Variants in ARHGEF10L observed in about 807,000 individuals in gnomAD.
ARHGEF10L encodes Rho guanine nucleotide exchange factor 10 like.
In ARHGEF10L, 69 loss-of-function variants were observed where a neutral mutation model predicts 141.2. That is an observed-to-expected ratio of 0.49 (90% CI 0.40 to 0.60). The LOEUF is 0.60. Among genes scored for constraint, ARHGEF10L ranks in the 20% least tolerant of loss-of-function variants. The probability of loss-of-function intolerance (pLI) is 0.00; values close to 1 mark genes in which losing one functional copy is unlikely to be tolerated. For synonymous variants in ARHGEF10L, 711 were observed against 718.5 expected (o/e 0.99, Z 0.17); for missense variants, 1,482 against 1,734.3 (o/e 0.85, Z 2.58).
the ARHGEF10L span, among the ~76,000 whole-genome samples, chr1:17,531,933 G>C: frequency 6.6e-6 from 1 of 152,192 alleles, no homozygotes; most frequent in Non-Finnish European, 1.5e-5. Flanking sequence ...TCTGGGGCTG[G>C]TGCCAGGCTG....
intron 27 of ARHGEF10L, among the ~76,000 whole-genome samples, chr1:17,690,871 C>T (rs1471623830): frequency 2.0e-5 from 3 of 152,218 alleles, no homozygotes; most frequent in Non-Finnish European, 2.9e-5. Flanking sequence ...AAGCGCAACA[C>T]AGCAGGATTC....
chr1:17,631,397 T>C, intron 15 of ARHGEF10L, among the ~76,000 whole-genome samples: 1 of 152,194 alleles, frequency 6.6e-6, no homozygotes, highest in East Asian at 1.9e-4. Flanking sequence ...CTTGGATGCC[T>C]GGGGTGTGAA....
chr1:17,643,701 C>A (rs2101873511), intron 21 of ARHGEF10L, among the ~76,000 whole-genome samples: 1 of 152,276 alleles, frequency 6.6e-6, no homozygotes. Context: ...GCCAGTGCCC[C>A]CTGCACAGGG....
chr1:17,560,057 T>C (rs2077485853), intron 1 of ARHGEF10L, among the ~76,000 whole-genome samples: 1 of 152,182 alleles, frequency 6.6e-6, no homozygotes, highest in African/African-American at 2.4e-5. Flanking sequence ...TGGGCTGGCT[T>C]CTTGGGGGAC....
intron 4 of ARHGEF10L, among the ~76,000 whole-genome samples, chr1:17,592,503 C>G (rs997649618): frequency 6.6e-6 from 1 of 152,118 alleles, no homozygotes; most frequent in Admixed American, 6.6e-5. Context: ...CAGGGAGACT[C>G]ATCTTCCCTG....
intron 4 of ARHGEF10L, among the ~76,000 whole-genome samples, chr1:17,599,339 A>AG (rs1427809621): frequency 2.6e-5 from 4 of 152,150 alleles, no homozygotes; most frequent in East Asian, 3.9e-4. Context: ...GTCAAAAAAA[A>AG]AAAAAGAAAA....
At chr1:17,608,499 G>A (rs1020261782) in intron 7 of ARHGEF10L, among the ~76,000 whole-genome samples, 1 of 152,202 alleles carries the variant, frequency 6.6e-6, no homozygotes, top group African/African-American at 2.4e-5. Flanking sequence ...TCTCTCCAGG[G>A]CCTCACACGG....
At chr1:17,695,394 T>C (rs2065424459) in intron 28 of ARHGEF10L, 114 bp downstream of exon 28, 2 of 1,390,404 alleles carry the variant, frequency 1.4e-6, no homozygotes, top group African/African-American at 2.9e-5. Flanking sequence ...GGGGTTCCAG[T>C]CTCCAGCTTC....
chr1:17,651,472 G>A (rs957622654), intron 22 of ARHGEF10L, among the ~76,000 whole-genome samples: 41 of 152,314 alleles, frequency 2.7e-4, no homozygotes, highest in African/African-American at 7.9e-4. Context: ...TATGGTGGGC[G>A]TTGGATTCTC....
chr1:17,539,525 G>C (rs1219596347), upstream of ARHGEF10L, among the ~76,000 whole-genome samples: 1 of 151,962 alleles, frequency 6.6e-6, no homozygotes, highest in African/African-American at 2.4e-5. This position sits in a 1 kb window ranked among gnomAD's most constrained non-coding sequence, Gnocchi z 6.0. Context: ...ACTGTGGGGG[G>C]CCGGTGGGCT....
chr1:17,675,018 T>C (rs2063556066), intron 26 of ARHGEF10L, among the ~76,000 whole-genome samples: 1 of 152,166 alleles, frequency 6.6e-6, no homozygotes, highest in South Asian at 2.1e-4. Flanking sequence ...GGCTGTATCA[T>C]ATAAGTTCTT....
chr1:17,603,886 C>A lies in ARHGEF10L; in HGVS notation c.433+295C>A, dbSNP rs555065908. On this transcript the variant is annotated intron_variant, in intron 6 of 28. Coordinates refer to ENST00000361221, the MANE Select transcript of ARHGEF10L (RefSeq NM_018125.4). This position sits in a 1 kb window ranked among gnomAD's most constrained non-coding sequence, Gnocchi z 4.8. ...CCTCCTTCAGGAAAATGGGGCCATA[C>A]CCCAGGCTTTCTGGGGCTGTTGGGG... 6.6e-6 allele frequency among the ~76,000 whole-genome samples: 1 copy of A among 152,344 alleles called. No homozygotes were observed.
At chr1:17,640,502 C>A (rs529718955) in intron 21 of ARHGEF10L, among the ~76,000 whole-genome samples, 200 bp downstream of exon 21, 15 of 152,250 alleles carry the variant, frequency 9.9e-5, no homozygotes, top group African/African-American at 3.4e-4. Flanking sequence ...AAGTCACTTC[C>A]CCTCTCTGAG....
chr1:17,590,760 G>C (rs1375512242), intron 4 of ARHGEF10L, among the ~76,000 whole-genome samples: 1 of 152,164 alleles, frequency 6.6e-6, no homozygotes, highest in Non-Finnish European at 1.5e-5. Flanking sequence ...GTCAAGGTGG[G>C]TGGACCACTG....
the ARHGEF10L span, among the ~76,000 whole-genome samples, chr1:17,524,094 C>T: frequency 4.0e-5 from 6 of 151,878 alleles, no homozygotes; most frequent in Non-Finnish European, 7.4e-5. Flanking sequence ...GTGAACATGG[C>T]GAAACCTCAT....
At chr1:17,589,776 G>A (rs955250087) in intron 4 of ARHGEF10L, among the ~76,000 whole-genome samples, 9 of 152,164 alleles carry the variant, frequency 5.9e-5, no homozygotes, top group African/African-American at 2.2e-4. Context: ...ATATCTCCAG[G>A]GTGGGCCAGG....
At chr1:17,679,019 G>A (rs1425215454) in intron 26 of ARHGEF10L, among the ~76,000 whole-genome samples, 1 of 152,188 alleles carries the variant, frequency 6.6e-6, no homozygotes, top group Non-Finnish European at 1.5e-5. Context: ...TTCCAAAATG[G>A]ATTGTTAAAG....
chr1:17,611,035 A>G (rs2059522572), intron 7 of ARHGEF10L, among the ~76,000 whole-genome samples: 1 of 151,870 alleles, frequency 6.6e-6, no homozygotes, highest in Admixed American at 6.6e-5. Context: ...AAGGTCTCTG[A>G]TCCAGCTGGA....
rs1453244639 is a variant in ARHGEF10L, at chr1:17,595,049, AT to A, written c.257+6571del. On this transcript the variant is annotated intron_variant, in intron 4 of 28. Transcript: ENST00000361221. The stretch of plus-strand genomic sequence containing the variant: ...TCCTCTCTCTTCCTTTTTAAAAAAA[AT>A]ACAGTTTGTTGTAGAAAAATTAGAA... 1.7e-4 allele frequency among the ~76,000 whole-genome samples: 26 copies of A among 152,270 alleles called. No homozygotes were observed. The East Asian group carries it at 3.9e-3, about 23-fold the overall frequency.
Sources: allele counts gnomAD v4.1 joint callset (sites outside exome capture counted in the v4.1 genomes callset), GRCh38; gene constraint gnomAD v4.1.1; non-coding constraint Gnocchi (gnomAD v3.1); transcripts MANE v1.5; gene names NCBI Gene and HGNC (gene_info 2026-07-23, HGNC 2026-07-21).